The following UST variants were observed in gnomAD, a reference collection of about 807,000 sequenced individuals.
The protein encoded by UST is chondroitin sulfate 2-O-sulfotransferase.
UST carries 21 observed loss-of-function variants against 45.6 expected under a neutral mutation model. That is an observed-to-expected ratio of 0.46 (90% CI 0.33 to 0.66). The LOEUF is 0.66. UST is among the 30% of genes least tolerant of loss of function. The pLI, the probability that UST is intolerant of heterozygous loss-of-function variation, is 0.02. For synonymous variants in UST, 215 were observed against 200.6 expected, an observed-to-expected ratio of 1.07 and a Z score of -0.61; for missense variants, 463 against 512.4, an observed-to-expected ratio of 0.90 and a Z score of 0.93.
intron 1 of UST, among the ~76,000 whole-genome samples, chr6:148,761,793 T>C (rs1404304945): frequency 6.6e-6 from 1 of 151,994 alleles, no homozygotes; most frequent in African/African-American, 2.4e-5. Flanking sequence ...AAGGAGGAAA[T>C]GTTGATATAA....
rs186042491 is a variant in UST at position 149,062,519 on chromosome 6, T to C, written c.938-11314T>C. Among the ~76,000 whole-genome samples, 4 of 152,300 alleles carry C rather than the reference T, an allele frequency of 2.6e-5. No individual in the cohort carries two copies. In the East Asian group the frequency reaches 7.7e-4, roughly 29 times the overall value. On this transcript the variant is annotated intron_variant, in intron 7 of 7. Coordinates refer to ENST00000367463, the MANE Select transcript of UST (RefSeq NM_005715.3). ...CACAGTCCCTTTCAGTGTGAAAACA[T>C]TTTTGCTGGCTTGCAAGTTTTTCAC...
intron 2 of UST, among the ~76,000 whole-genome samples, chr6:148,911,114 A>T (rs1779466094): frequency 6.6e-6 from 1 of 151,916 alleles, no homozygotes; most frequent in Non-Finnish European, 1.5e-5. Context: ...CCTTGCCCTG[A>T]CCCCAGGCAC....
intron 1 of UST, among the ~76,000 whole-genome samples, chr6:148,835,398 G>A (rs1777768821): frequency 6.6e-6 from 1 of 152,150 alleles, no homozygotes; most frequent in African/African-American, 2.4e-5. Context: ...ATAGAAGGTG[G>A]TCAACAGTCT....
intron 7 of UST, among the ~76,000 whole-genome samples, chr6:149,053,896 T>C (rs889263090): frequency 1.3e-5 from 2 of 152,166 alleles, no homozygotes; most frequent in Admixed American, 6.5e-5. Context: ...TTAGAAACAT[T>C]GGCACAAGTA....
At chr6:148,969,951 T>C (rs1158725997) in intron 5 of UST, among the ~76,000 whole-genome samples, 3 of 152,190 alleles carry the variant, frequency 2.0e-5, no homozygotes, top group African/African-American at 4.8e-5. Flanking sequence ...TGGAAAGTCA[T>C]ATACACGCGC....
chr6:148,796,426 C>G lies in UST; in HGVS notation c.247+48749C>G, dbSNP rs974254922. ...AGATCACAAGGTCAGGAGTTCGAGA[C>G]CAGCCTGGCCAGCATGGCGAAACCC... is the stretch of plus-strand genomic sequence containing the variant. On this transcript the variant is annotated intron_variant, in intron 1 of 7. Coordinates refer to ENST00000367463, the MANE Select transcript of UST (RefSeq NM_005715.3). Among the ~76,000 whole-genome samples the G allele has an allele frequency of 2.6e-5, 4 of 151,978 alleles. No individual in the cohort carries two copies. In the East Asian group the frequency reaches 7.7e-4, roughly 29 times the overall value.
intron 7 of UST, among the ~76,000 whole-genome samples, chr6:149,062,850 T>C (rs941443032): frequency 1.3e-5 from 2 of 152,124 alleles, no homozygotes; most frequent in African/African-American, 4.8e-5. Flanking sequence ...TTGAGCAAGG[T>C]AGTGAGGGGC....
chr6:148,783,847 T>C (rs1026012611), intron 1 of UST, among the ~76,000 whole-genome samples: 1 of 152,036 alleles, frequency 6.6e-6, no homozygotes, highest in Admixed American at 6.6e-5. Flanking sequence ...CCCCAGGGGG[T>C]TGGGGACAGA....
intron 2 of UST, among the ~76,000 whole-genome samples, chr6:148,929,936 G>A (rs1779890520): frequency 6.6e-6 from 1 of 152,146 alleles, no homozygotes; most frequent in African/African-American, 2.4e-5. Context: ...ATGCCAAGAA[G>A]CCAATTCCAC....
intron 2 of UST, among the ~76,000 whole-genome samples, chr6:148,914,004 G>T (rs1779532341): frequency 6.6e-6 from 1 of 152,168 alleles, no homozygotes; most frequent in African/African-American, 2.4e-5. Flanking sequence ...TTTGGGCAGT[G>T]ATTAGTTCAT....
intron 1 of UST, among the ~76,000 whole-genome samples, chr6:148,777,377 C>G (rs568514285): frequency 6.6e-6 from 1 of 152,246 alleles, no homozygotes; most frequent in East Asian, 1.9e-4. Context: ...AAGGTGAAGC[C>G]AAACACACAT....
chr6:148,895,359 T>A (rs1779106818), intron 2 of UST, among the ~76,000 whole-genome samples: 1 of 152,172 alleles, frequency 6.6e-6, no homozygotes, highest in African/African-American at 2.4e-5. Flanking sequence ...GACAATTCAT[T>A]TAAGACAAAG....
chr6:148,780,030 T>G (rs962381379), intron 1 of UST, among the ~76,000 whole-genome samples: 5 of 151,828 alleles, frequency 3.3e-5, no homozygotes, highest in African/African-American at 1.2e-4. Flanking sequence ...ATCAGTGAGG[T>G]ATTATTGTAT....
chr6:148,813,384 A>ATT (rs1777295195), intron 1 of UST, among the ~76,000 whole-genome samples: 1 of 134,944 alleles, frequency 7.4e-6, no homozygotes, highest in Non-Finnish European at 1.6e-5. Flanking sequence ...ATAACAGAAT[A>ATT]ATTTTTTTTT....
At chr6:148,870,664 C>G (rs1778532295) in intron 1 of UST, among the ~76,000 whole-genome samples, 1 of 152,106 alleles carries the variant, frequency 6.6e-6, no homozygotes, top group Non-Finnish European at 1.5e-5. Context: ...ATGTGCCTGA[C>G]TCCACTACAG....
chr6:149,038,209 C>G (rs942029878), intron 7 of UST, among the ~76,000 whole-genome samples: 1 of 151,736 alleles, frequency 6.6e-6, no homozygotes, highest in Non-Finnish European at 1.5e-5. Context: ...AATCCCCTAA[C>G]GTTACCCAAG....
intron 5 of UST, among the ~76,000 whole-genome samples, chr6:148,965,436 G>C (rs1780770517): frequency 6.6e-6 from 1 of 152,180 alleles, no homozygotes; most frequent in Admixed American, 6.5e-5. Flanking sequence ...CAGGAAAGTA[G>C]GAAGTGTTGA....
At chr6:148,894,905 C>T (rs1231246185) in intron 2 of UST, among the ~76,000 whole-genome samples, 1 of 149,852 alleles carries the variant, frequency 6.7e-6, no homozygotes, top group Admixed American at 6.6e-5. Context: ...GCAACCTCCG[C>T]CTCCCGGATT....
chr6:148,769,948 TC>T (rs1409918531), intron 1 of UST, among the ~76,000 whole-genome samples: 1 of 152,136 alleles, frequency 6.6e-6, no homozygotes, highest in East Asian at 1.9e-4. Flanking sequence ...TTTATGCATT[TC>T]CTGTTCTTTC....
Sources: gnomAD v4.1 joint callset for allele counts (sites outside exome capture counted in the v4.1 genomes callset) on GRCh38, gnomAD v4.1.1 for gene constraint, MANE v1.5 for transcripts, NCBI Gene and HGNC (gene_info 2026-07-23, HGNC 2026-07-21) for gene names.